CAPN2: variants seen among roughly 807,000 people sequenced by gnomAD.
CAPN2 encodes calpain 2, also known as calpain-2 catalytic subunit.
Under a neutral mutation model 102.3 loss-of-function variants are expected in CAPN2, and 92 were observed. That is an observed-to-expected ratio of 0.90 (90% CI 0.76 to 1.07). The LOEUF (loss-of-function observed/expected upper bound fraction) is 1.07. CAPN2 is among the 50% of genes least tolerant of loss of function. The pLI, the probability that CAPN2 is intolerant of heterozygous loss-of-function variation, is 0.00. For synonymous variants in CAPN2, 340 were observed against 355.4 expected (o/e 0.96, Z 0.49); for missense variants, 800 against 909.4 (o/e 0.88, Z 1.55).
chr1:223,741,754 C>T (rs1434137567), intron 2 of CAPN2, among the ~76,000 whole-genome samples: 1 of 151,582 alleles, frequency 6.6e-6, no homozygotes, highest in African/African-American at 2.4e-5. Context: ...CCATGCCTGG[C>T]CTCTTTTATC....
chr1:223,754,947 G>A lies in CAPN2; in HGVS notation c.1136-533G>A, dbSNP rs879847092. On this transcript the variant is annotated intron_variant, in intron 9 of 20. Transcript: ENST00000295006. This position sits in a 1 kb window ranked among gnomAD's most constrained non-coding sequence, Gnocchi z 4.7. ...GAAGCCACAGCTCTAACCACCCTGC[G>A]TTCCAGAGTGACAGACCAGTCCCCA... 2.0e-4 allele frequency among the ~76,000 whole-genome samples: 30 copies of A among 152,240 alleles called. No individual in the cohort carries two copies. The highest frequency in any genetic ancestry group is 3.1e-4 in the Non-Finnish European group (21 of 68,024).
intron 20 of CAPN2, 69 bp from the exon 21 acceptor site, chr1:223,774,765 C>T: frequency 5.0e-6 from 7 of 1,392,828 alleles, no homozygotes; most frequent in Non-Finnish European, 6.1e-6. Context: ...GAACAATCTA[C>T]AGGTACTTAA....
In CAPN2 at chr1:223,719,831, T is replaced by TGTGC. The variant is rs1491465648; in HGVS notation, c.307+2001_307+2002insTGCG. Among the ~76,000 whole-genome samples the TGTGC allele has an allele frequency of 7.1e-3, 688 of 96,778 alleles. 3 individuals are homozygous for TGTGC. The highest frequency in any genetic ancestry group is 0.014 in the Middle Eastern group (2 of 148). 63.5% of individuals were successfully genotyped at this position (96,778 alleles called of 152,430 possible). On this transcript the variant is annotated intron_variant, in intron 2 of 20. Coordinates refer to ENST00000295006, the MANE Select transcript of CAPN2 (RefSeq NM_001748.5). Reference sequence around the variant, plus strand: ...GTGTGTGTGTGTGTGTGTGTGTGTGTGCGCGCGCGCGCGTATAATGCAGTA... The same window carrying TGTGC: ...GTGTGTGTGTGTGTGTGTGTGTGTGTGTGCGCGCGCGCGCGCGTATAATGCAGTA...
chr1:223,768,648 C>T (rs1343415920), intron 16 of CAPN2, among the ~76,000 whole-genome samples: 2 of 151,260 alleles, frequency 1.3e-5, no homozygotes, highest in African/African-American at 4.9e-5. Context: ...TCTTTTGGCT[C>T]AGGATTGACT....
chr1:223,772,208 A>G lies in CAPN2; in HGVS notation c.2048A>G (p.Asn683Ser). The change falls in exon 20 of 21, where the codon AAT becomes AGT. Residue 683 changes from asparagine (N) to serine (S), a missense_variant. Coordinates refer to ENST00000295006, the MANE Select transcript of CAPN2 (RefSeq NM_001748.5). Reference protein sequence around the residue: ...FKIFKQLDPENTGTIELDLIS... With the variant: ...FKIFKQLDPESTGTIELDLIS... Reference sequence around the variant, plus strand: ...ATATTTAAGCAGCTGGATCCCGAGAATACTGGAACAATAGAGCTCGACCTT... The same window carrying G: ...ATATTTAAGCAGCTGGATCCCGAGAGTACTGGAACAATAGAGCTCGACCTT... 1 of 1,614,158 alleles carries G rather than the reference A, an allele frequency of 6.2e-7. No homozygotes were observed. Among genetic ancestry groups the G allele is most frequent in the Non-Finnish European group, 8.5e-7 (1 of 1,180,038 alleles).
chr1:223,756,826 CT>C lies in CAPN2; in HGVS notation c.1306-541del, dbSNP rs1382309149. On this transcript the variant is annotated intron_variant, in intron 10 of 20. Coordinates refer to ENST00000295006, the MANE Select transcript of CAPN2 (RefSeq NM_001748.5). This position sits in a 1 kb window ranked among gnomAD's most constrained non-coding sequence, Gnocchi z 4.1. ...ATGCAAATGGAATTGTGATACACAG[CT>C]TCCCTCCCACCGGCTTATGGGCTTG... Among the ~76,000 whole-genome samples, 1 of 152,232 alleles carries C rather than the reference CT, an allele frequency of 6.6e-6. No individual in the cohort carries two copies. The highest frequency in any genetic ancestry group is 1.9e-4 in the East Asian group (1 of 5,206).
At chr1:223,746,921 C>T (rs1427217526) in intron 4 of CAPN2, 76 bp from the exon 5 acceptor site, 1 of 1,359,140 alleles carries the variant, frequency 7.4e-7, no homozygotes, top group Admixed American at 1.9e-5. Flanking sequence ...CTAGACGGTA[C>T]TAGGGGGTGG....
intron 6 of CAPN2, chr1:223,749,333 G>A (rs952775988): frequency 1.2e-5 from 7 of 593,974 alleles, no homozygotes; most frequent in African/African-American, 1.9e-5. Context: ...GGTGGCCGCA[G>A]TGGCCGGCGC....
chr1:223,771,979 C>A lies in CAPN2; in HGVS notation c.2020+54C>A, dbSNP rs1466420788. On this transcript the variant is annotated intron_variant, in intron 19 of 20. Coordinates refer to ENST00000295006, the MANE Select transcript of CAPN2 (RefSeq NM_001748.5). Reference sequence around the variant, plus strand: ...TTCAGTTCTCTTGGTATTAAAGTGGCCTGCCTTTCACCTCGGTGAAATCAT... The same window carrying A: ...TTCAGTTCTCTTGGTATTAAAGTGGACTGCCTTTCACCTCGGTGAAATCAT... The A allele has an allele frequency of 1.2e-5, 16 of 1,325,826 alleles. No homozygotes were observed. In the East Asian group the frequency reaches 2.3e-4, roughly 19 times the overall value. 82.1% of individuals were successfully genotyped at this position (1,325,826 alleles called of 1,614,324 possible).
chr1:223,716,161 G>A (rs1188645043), intron 1 of CAPN2, among the ~76,000 whole-genome samples: 1 of 152,174 alleles, frequency 6.6e-6, no homozygotes, highest in Non-Finnish European at 1.5e-5. Context: ...CCTACATGCC[G>A]TGCACAAGTT....
chr1:223,707,857 G>A (rs10916598), upstream of CAPN2, among the ~76,000 whole-genome samples: 32,686 of 152,192 alleles, frequency 0.21, 4,091 homozygotes, highest in East Asian at 0.38. Context: ...GGAGGGAAAT[G>A]ACCTCCACCT....
chr1:223,762,285 G>A, intron 14 of CAPN2, 34 bp downstream of exon 14: 1 of 1,526,280 alleles, frequency 6.6e-7, no homozygotes, highest in Non-Finnish European at 9.1e-7. Flanking sequence ...TATGCACTCT[G>A]GTTGATGCAA....
chr1:223,722,572 G>T (rs568103154), intron 2 of CAPN2, among the ~76,000 whole-genome samples: 1 of 151,644 alleles, frequency 6.6e-6, no homozygotes, highest in Non-Finnish European at 1.5e-5. Context: ...TTACAGGTGC[G>T]AGTCACCACA....
At chr1:223,716,858 G>A (rs1659884707) in intron 1 of CAPN2, among the ~76,000 whole-genome samples, 1 of 152,074 alleles carries the variant, frequency 6.6e-6, no homozygotes, top group African/African-American at 2.4e-5. Flanking sequence ...TGGCCCCTGA[G>A]GTTTTAACAC....
rs908767119 is a variant in CAPN2, at chr1:223,754,862, C to T, written c.1136-618C>T. Among the ~76,000 whole-genome samples, 4 of 152,070 alleles carry T rather than the reference C, an allele frequency of 2.6e-5. No individual in the cohort carries two copies. The highest frequency in any genetic ancestry group is 9.7e-5 in the African/African-American group (4 of 41,398). ...GAGCAGATCCCGGAGTCCCCCAGGC[C>T]AGCCGAGCCCCGCCCCAGGCTCCCC... On this transcript the variant is annotated intron_variant, in intron 9 of 20. Coordinates refer to ENST00000295006, the MANE Select transcript of CAPN2 (RefSeq NM_001748.5). The surrounding 1 kb of genome is among the most constrained non-coding windows in gnomAD (Gnocchi z 4.7).
At chr1:223,757,460 G>A (rs973770453) in intron 11 of CAPN2, 80 bp downstream of exon 11, 43 of 1,508,644 alleles carry the variant, frequency 2.9e-5, no homozygotes, top group Admixed American at 1.8e-4. Flanking sequence ...AGGGAGCGTC[G>A]TGAAGCCCGG....
rs1240256598 is a variant in CAPN2, at chr1:223,760,508, A to G, written c.1529+1027A>G. ...ATAGCACGGCTGTAGCCCCCCTGCCACTGACAGGCTGTCTTCATTTGCTAA... is the reference window on the plus strand; with the variant it reads ...ATAGCACGGCTGTAGCCCCCCTGCCGCTGACAGGCTGTCTTCATTTGCTAA... On this transcript the variant is annotated intron_variant, in intron 12 of 20. Transcript: ENST00000295006. Among the ~76,000 whole-genome samples, 7 of 152,334 alleles carry G rather than the reference A, an allele frequency of 4.6e-5. No individual in the cohort carries two copies. In the South Asian group the frequency reaches 8.3e-4, roughly 18 times the overall value.
chr1:223,716,054 A>G (rs1479635049), intron 1 of CAPN2, among the ~76,000 whole-genome samples: 1 of 152,238 alleles, frequency 6.6e-6, no homozygotes, highest in African/African-American at 2.4e-5. Context: ...TAAGTGGCAG[A>G]GCCAGGATTC....
At position 223,744,668 on chromosome 1, in the gene CAPN2, C is replaced by T. The variant is rs1292463641; in HGVS notation, c.426+450C>T. 3.9e-5 allele frequency among the ~76,000 whole-genome samples: 6 copies of T among 151,988 alleles called. No individual in the cohort carries two copies. In the East Asian group the frequency reaches 1.2e-3, roughly 29 times the overall value. ...TTGAGGTCAGGAGTTCGAGACCAGC[C>T]TGGCCAACATGATGAAACCCCATCT... is the stretch of plus-strand genomic sequence containing the variant. On this transcript the variant is annotated intron_variant, in intron 3 of 20. Transcript: ENST00000295006.
Sources: allele counts gnomAD v4.1 joint callset (sites outside exome capture counted in the v4.1 genomes callset), GRCh38; gene constraint gnomAD v4.1.1; non-coding constraint Gnocchi (gnomAD v3.1); transcripts MANE v1.5; gene names NCBI Gene and HGNC (gene_info 2026-07-23, HGNC 2026-07-21).